The following BAG4 variants were observed in gnomAD, a reference collection of about 807,000 sequenced individuals.
BAG4 encodes BAG cochaperone 4.
Under a neutral mutation model 52.1 loss-of-function variants are expected in BAG4, and 28 were observed. The ratio of observed to expected loss-of-function variants is 0.54; its 90% CI spans 0.40 to 0.74. The LOEUF is 0.74. Among genes scored for constraint, BAG4 ranks in the 30% least tolerant of loss-of-function variants. The pLI is 0.00. For synonymous variants in BAG4, 208 were observed against 217.0 expected, an observed-to-expected ratio of 0.96 and a Z score of 0.37; for missense variants, 525 against 572.0, an observed-to-expected ratio of 0.92 and a Z score of 0.84.
At chr8:38,207,277 A>G (rs1293963203) in intron 2 of BAG4, among the ~76,000 whole-genome samples, 1 of 151,346 alleles carries the variant, frequency 6.6e-6, no homozygotes, top group Non-Finnish European at 1.5e-5. Context: ...ATTTTATTTT[A>G]TTTTTGTAGA....
intron 1 of BAG4, among the ~76,000 whole-genome samples, chr8:38,180,533 A>AAAAAAAAAAAAAAAAAAAAC (rs1803246694): frequency 6.6e-6 from 1 of 151,246 alleles, no homozygotes; most frequent in African/African-American, 2.4e-5. Flanking sequence ...AAAAAAAAAA[A>AAAAAAAAAAAAAAAAAAAAC]AAAAAAAAAA....
intron 1 of BAG4, among the ~76,000 whole-genome samples, chr8:38,189,864 C>T (rs563804104): frequency 4.6e-5 from 7 of 152,284 alleles, no homozygotes; most frequent in African/African-American, 1.7e-4. Flanking sequence ...GTTGCCCAGG[C>T]TGGAGTGCAG....
chr8:38,190,789 G>A (rs1380042190), intron 1 of BAG4, among the ~76,000 whole-genome samples: 1 of 137,796 alleles, frequency 7.3e-6, no homozygotes, highest in Non-Finnish European at 1.6e-5. Context: ...CGGAGTCTCT[G>A]CTCTGTGGCC....
chr8:38,178,423 C>G (rs1171562485), intron 1 of BAG4, among the ~76,000 whole-genome samples: 1 of 152,180 alleles, frequency 6.6e-6, no homozygotes, highest in Non-Finnish European at 1.5e-5. Flanking sequence ...CTCGGCCTCC[C>G]GAAGTGTTGG....
chr8:38,185,291 TATTA>T (rs1235491593), intron 1 of BAG4, among the ~76,000 whole-genome samples: 1 of 152,188 alleles, frequency 6.6e-6, no homozygotes, highest in African/African-American at 2.4e-5. Context: ...TTCATATTTA[TATTA>T]ATTCAAATTT....
At chr8:38,189,726 G>T (rs1490517704) in intron 1 of BAG4, among the ~76,000 whole-genome samples, 1 of 152,202 alleles carries the variant, frequency 6.6e-6, no homozygotes, top group Non-Finnish European at 1.5e-5. Context: ...GCTAGAATTT[G>T]CAGCGACTCC....
intron 1 of BAG4, among the ~76,000 whole-genome samples, chr8:38,179,142 G>A (rs958750019): frequency 1.3e-5 from 2 of 152,180 alleles, no homozygotes; most frequent in East Asian, 3.9e-4. Flanking sequence ...ACATGGAGCA[G>A]TGATAAATTA....
At chr8:38,182,987 AACCACCACCACC>A (rs111353274) in intron 1 of BAG4, among the ~76,000 whole-genome samples, 137 of 149,136 alleles carry the variant, frequency 9.2e-4, no homozygotes, top group Middle Eastern at 3.4e-3. Context: ...ACAATTACAT[AACCACCACCACC>A]ACCACCACCA....
Position 38,176,892 on chromosome 8 carries a change from GCTACGGCCCCAGTGACGGTCCGTC to G in BAG4, c.32_55del (p.Pro11_Gly18del), listed in dbSNP as rs1391645033. On this transcript the variant is annotated inframe_deletion, in exon 1 of 5. Coordinates refer to ENST00000287322, the MANE Select transcript of BAG4 (RefSeq NM_004874.4). ...CCCATGTCGGCCCTGAGGCGCTCGG[GCTACGGCCCCAGTGACGGTCCGTC>G]CTACGGCCGCTACTACGGGCCTGGG... The G allele has an allele frequency of 1.2e-5, 18 of 1,544,974 alleles. No individual in the cohort carries two copies. The highest frequency in any genetic ancestry group is 1.6e-5 in the Non-Finnish European group (18 of 1,144,732).
At chr8:38,183,036 C>CTTTTT (rs539995423) in intron 1 of BAG4, among the ~76,000 whole-genome samples, 6 of 100,112 alleles carry the variant, frequency 6.0e-5, no homozygotes, top group East Asian at 5.7e-4. Flanking sequence ...ACTGACCCAT[C>CTTTTT]TTTTTTTTTT....
At chr8:38,208,028 T>C (rs1202406610) in intron 3 of BAG4, among the ~76,000 whole-genome samples, 1 of 151,794 alleles carries the variant, frequency 6.6e-6, no homozygotes, top group Admixed American at 6.6e-5. Flanking sequence ...CTTTTTTTTT[T>C]TTTTGTGGCG....
intron 1 of BAG4, among the ~76,000 whole-genome samples, chr8:38,181,220 C>T (rs1468942678): frequency 8.8e-5 from 13 of 148,334 alleles, no homozygotes; most frequent in Admixed American, 2.0e-4. Flanking sequence ...TGAGCCACCG[C>T]GCCCAGCCTT....
chr8:38,193,397 C>T (rs1422922363), intron 2 of BAG4, among the ~76,000 whole-genome samples: 3 of 151,296 alleles, frequency 2.0e-5, no homozygotes, highest in Admixed American at 6.6e-5. Flanking sequence ...CCAGCCTGGG[C>T]GACGAGTGAG....
chr8:38,185,435 G>A (rs1284685086), intron 1 of BAG4, among the ~76,000 whole-genome samples: 2 of 152,166 alleles, frequency 1.3e-5, no homozygotes, highest in African/African-American at 4.8e-5. Context: ...CCAGGTTCCA[G>A]TTCTGGCATG....
In BAG4 at chr8:38,211,273, C is replaced by T. The variant is rs1803865197; in HGVS notation, c.*780C>T. ...TAGTGGAAGGTAAATTTGGAAATGGCATTGACATAAAATGAAAATGTTTAC... is the reference window on the plus strand; with the variant it reads ...TAGTGGAAGGTAAATTTGGAAATGGTATTGACATAAAATGAAAATGTTTAC... On this transcript the variant is annotated 3_prime_UTR_variant, in exon 5 of 5. Transcript: ENST00000287322. 1 of 140,612 alleles carries T rather than the reference C, an allele frequency of 7.1e-6. No individual in the cohort carries two copies. Among genetic ancestry groups the T allele is most frequent in the Admixed American group, 7.6e-5 (1 of 13,220 alleles). 8.7% of individuals were successfully genotyped at this position (140,612 alleles called of 1,614,324 possible).
At chr8:38,208,283 C>G (rs1446770083) in intron 3 of BAG4, among the ~76,000 whole-genome samples, 1 of 140,602 alleles carries the variant, frequency 7.1e-6, no homozygotes, top group Non-Finnish European at 1.5e-5. Context: ...CAAATCTTAG[C>G]CTTTTTTAGC....
Position 38,207,746 on chromosome 8 carries a change from C to G in BAG4, c.613C>G (p.Pro205Ala). The change falls in exon 3 of 5, where the codon CCA (proline) becomes GCA (alanine). Residue 205 changes from proline (P) to alanine (A), a missense_variant. Physicochemically the swap from Pro to Ala is conservative, Grantham distance 27. Coordinates refer to ENST00000287322, the MANE Select transcript of BAG4 (RefSeq NM_004874.4). ...TEAPPLRGQV[P>A]GYPPSQNPGM... ...AGCACCCCCTCTTAGGGGGCAGGTTCCAGGATATCCGCCTTCACAGGTGAG... is the reference window on the plus strand; with the variant it reads ...AGCACCCCCTCTTAGGGGGCAGGTTGCAGGATATCCGCCTTCACAGGTGAG... The G allele has an allele frequency of 6.2e-7, 1 of 1,614,066 alleles. No homozygotes were observed. The highest frequency in any genetic ancestry group is 8.5e-7 in the Non-Finnish European group (1 of 1,180,004).
chr8:38,206,536 G>C (rs1473512133), intron 2 of BAG4, among the ~76,000 whole-genome samples: 2 of 152,062 alleles, frequency 1.3e-5, no homozygotes, highest in Admixed American at 6.6e-5. Flanking sequence ...TTCATGTCAT[G>C]ACCCAGCCAT....
rs902842581 is a variant in BAG4 at position 38,192,641 on chromosome 8, A to T, written c.271-47A>T. 4.3e-6 allele frequency: 6 copies of T among 1,405,118 alleles called. No homozygotes were observed. In the African/African-American group the frequency reaches 8.7e-5, roughly 20 times the overall value. 87.0% of individuals were successfully genotyped at this position (1,405,118 alleles called of 1,614,324 possible). ...GCCTCTATCAATCTATCTTAAAATG[A>T]TGTATGAATGTTATTAAGAGTGAAT... On this transcript the variant is annotated intron_variant, in intron 1 of 4. Coordinates refer to ENST00000287322, the MANE Select transcript of BAG4 (RefSeq NM_004874.4).
Sources: gnomAD v4.1 joint callset for allele counts (sites outside exome capture counted in the v4.1 genomes callset) on GRCh38, gnomAD v4.1.1 for gene constraint, MANE v1.5 for transcripts, NCBI Gene and HGNC (gene_info 2026-07-23, HGNC 2026-07-21) for gene names.